The following SLC5A1 variants were observed in gnomAD, a reference collection of about 807,000 sequenced individuals.
SLC5A1 encodes the protein sodium/glucose cotransporter 1.
Under a neutral mutation model 73.5 loss-of-function variants are expected in SLC5A1, and 42 were observed. The observed-to-expected ratio is 0.57, with a 90% CI of 0.45 to 0.74. The LOEUF is 0.74. SLC5A1 is among the 30% of genes least tolerant of loss of function. The probability of loss-of-function intolerance (pLI) is 0.00; values close to 1 mark genes in which losing one functional copy is unlikely to be tolerated. For missense variants in SLC5A1, 634 were observed against 855.4 expected, an observed-to-expected ratio of 0.74 and a Z score of 3.23; for synonymous variants, 300 against 317.4, an observed-to-expected ratio of 0.95 and a Z score of 0.58.
chr22:32,092,535 C>T (rs768048170), intron 11 of SLC5A1, among the ~76,000 whole-genome samples: 16 of 152,186 alleles, frequency 1.1e-4, no homozygotes, highest in Non-Finnish European at 1.8e-4. Flanking sequence ...TACTGTTTTC[C>T]ATAGTGGTTG....
chr22:32,048,595 G>A (rs1464775493), intron 1 of SLC5A1, among the ~76,000 whole-genome samples: 1 of 152,120 alleles, frequency 6.6e-6, no homozygotes, highest in South Asian at 2.1e-4. Flanking sequence ...CCTTCTCCAC[G>A]CTGGGTGAGG....
intron 2 of SLC5A1, among the ~76,000 whole-genome samples, chr22:32,056,757 T>C (rs77630998): frequency 0.045 from 6,821 of 152,266 alleles, 208 homozygotes; most frequent in Non-Finnish European, 0.07. Flanking sequence ...TTAGATGGTT[T>C]GTTAACAAAG....
chr22:32,100,800 G>A (rs1603142704), intron 12 of SLC5A1, among the ~76,000 whole-genome samples: 2 of 152,156 alleles, frequency 1.3e-5, no homozygotes, highest in Admixed American at 1.3e-4. Context: ...TCTTCATCTA[G>A]AAGTCACTTC....
At chr22:32,061,002 A>AT (rs2093961678) in intron 2 of SLC5A1, among the ~76,000 whole-genome samples, 1 of 152,186 alleles carries the variant, frequency 6.6e-6, no homozygotes, top group South Asian at 2.1e-4. Flanking sequence ...TTTGTTGGGC[A>AT]TAAGAATCAC....
intron 2 of SLC5A1, among the ~76,000 whole-genome samples, chr22:32,059,676 T>C (rs1393555956): frequency 1.3e-5 from 2 of 151,982 alleles, no homozygotes; most frequent in Non-Finnish European, 2.9e-5. Flanking sequence ...AGCTGAGAGG[T>C]TGAAAAGTGC....
At chr22:32,058,064 A>G (rs2093954493) in intron 2 of SLC5A1, among the ~76,000 whole-genome samples, 1 of 152,242 alleles carries the variant, frequency 6.6e-6, no homozygotes, top group Admixed American at 6.5e-5. Flanking sequence ...TCTTCCCAAG[A>G]TAATCATTGT....
chr22:32,054,009 C>T (rs1410671874), intron 2 of SLC5A1, among the ~76,000 whole-genome samples: 1 of 152,096 alleles, frequency 6.6e-6, no homozygotes, highest in East Asian at 1.9e-4. Context: ...CCCGTCTCTA[C>T]TAAAAATACC....
At chr22:32,074,845 T>C (rs2093988279) in intron 5 of SLC5A1, among the ~76,000 whole-genome samples, 1 of 152,114 alleles carries the variant, frequency 6.6e-6, no homozygotes, top group Middle Eastern at 3.2e-3. Context: ...GGGTTTTACT[T>C]ACACCCTCTC....
Position 32,102,189 on chromosome 22 carries a change from C to T in SLC5A1, c.1617C>T (p.Ile539=). Residue 539 remains isoleucine, a synonymous_variant, in exon 13 of 15, where the codon ATC becomes ATT. Transcript: ENST00000266088. ...FAIILFAISF[I]TIVVISLLTK... is the part of the protein sequence containing the mutation. ...TTATCCTCTTCGCCATTTCTTTCAT[C>T]ACCATCGTGGTCATCTCCCTCCTCA... is the stretch of plus-strand genomic sequence containing the variant. The T allele has an allele frequency of 1.2e-6, 2 of 1,614,150 alleles. No individual in the cohort carries two copies. The highest frequency in any genetic ancestry group is 1.7e-6 in the Non-Finnish European group (2 of 1,180,016).
At chr22:32,084,842 C>T (rs1414616213) in intron 8 of SLC5A1, 58 bp from the exon 9 acceptor site, 2 of 1,610,446 alleles carry the variant, frequency 1.2e-6, no homozygotes, top group African/African-American at 1.3e-5. Flanking sequence ...CTAGGAAGTA[C>T]AAAGGTGTCA....
chr22:32,068,048 T>C, intron 4 of SLC5A1, 22 bp downstream of exon 4: 1 of 1,610,070 alleles, frequency 6.2e-7, no homozygotes, highest in Non-Finnish European at 8.5e-7. Context: ...CTCTGTTATT[T>C]CATTTCCTGC....
At chr22:32,074,861 C>CTCT (rs1400912566) in intron 5 of SLC5A1, among the ~76,000 whole-genome samples, 2 of 152,070 alleles carry the variant, frequency 1.3e-5, no homozygotes, top group Admixed American at 6.5e-5. Context: ...CTCTCCAGTT[C>CTCT]TCAGAAGAGT....
At chr22:32,081,332 G>C (rs1015198995) in intron 5 of SLC5A1, among the ~76,000 whole-genome samples, 5 of 152,176 alleles carry the variant, frequency 3.3e-5, no homozygotes, top group Non-Finnish European at 5.9e-5. Flanking sequence ...GGTTGTGTCT[G>C]AGTCAAGATG....
At chr22:32,104,637 T>A (rs970775392) in intron 13 of SLC5A1, 149 bp from the exon 14 acceptor site, 3 of 698,060 alleles carry the variant, frequency 4.3e-6, no homozygotes, top group East Asian at 2.7e-5. Flanking sequence ...GAGATAATGT[T>A]ATGGATGAGA....
Sources: gnomAD v4.1 joint callset for allele counts (sites outside exome capture counted in the v4.1 genomes callset) on GRCh38, gnomAD v4.1.1 for gene constraint, MANE v1.5 for transcripts, NCBI Gene and HGNC (gene_info 2026-07-23, HGNC 2026-07-21) for gene names.